The following METAP1D variants were observed in gnomAD, a reference collection of about 807,000 sequenced individuals.
The protein encoded by METAP1D is methionyl aminopeptidase type 1D, mitochondrial, also known as methionine aminopeptidase 1D, mitochondrial.
Under a neutral mutation model 40.5 loss-of-function variants are expected in METAP1D, and 31 were observed. The ratio of observed to expected loss-of-function variants is 0.77; its 90% CI spans 0.58 to 1.03. METAP1D has a LOEUF of 1.03. METAP1D is among the 50% of genes least tolerant of loss of function. The probability of loss-of-function intolerance (pLI) is 0.00; values close to 1 mark genes in which losing one functional copy is unlikely to be tolerated. For synonymous variants in METAP1D, 151 were observed against 146.4 expected (o/e 1.03, Z -0.22); for missense variants, 411 against 420.7 (o/e 0.98, Z 0.20).
chr2:172,052,851 G>A (rs1414026657), intron 1 of METAP1D, among the ~76,000 whole-genome samples: 1 of 152,082 alleles, frequency 6.6e-6, no homozygotes, highest in African/African-American at 2.4e-5. Flanking sequence ...TAGTTTCAAG[G>A]GCTCTTGTCC....
At chr2:172,001,249 G>C (rs756935537) in intron 1 of METAP1D, among the ~76,000 whole-genome samples, 1 of 152,012 alleles carries the variant, frequency 6.6e-6, no homozygotes. Context: ...TGTACAAAAA[G>C]TGAAGAGAGC....
chr2:172,048,840 G>A (rs980430619), intron 1 of METAP1D, among the ~76,000 whole-genome samples: 1 of 152,124 alleles, frequency 6.6e-6, no homozygotes, highest in African/African-American at 2.4e-5. Flanking sequence ...TCATTTTACT[G>A]TGTGAATAAT....
intron 2 of METAP1D, 141 bp downstream of exon 2, chr2:172,061,796 A>G (rs1381802794): frequency 5.8e-6 from 4 of 687,508 alleles, no homozygotes; most frequent in Non-Finnish European, 9.0e-6. Context: ...TAAAACTGTG[A>G]TTTGAGAAGT....
intron 1 of METAP1D, among the ~76,000 whole-genome samples, chr2:172,037,997 CCT>C (rs919808401): frequency 5.9e-5 from 9 of 152,152 alleles, no homozygotes; most frequent in Admixed American, 3.3e-4. Flanking sequence ...CCTCTCTTCT[CCT>C]CTCTAGATTT....
rs1258640313 is a variant in METAP1D at position 172,079,118 on chromosome 2, G to A, written c.803-97G>A. On this transcript the variant is annotated intron_variant, in intron 7 of 9. Transcript: ENST00000315796. The stretch of plus-strand genomic sequence containing the variant: ...TTCTCTAAAAGAAGAGAAATAAAAC[G>A]ACCAAGTTTTTTAAAGGGGCCTGAC... 2.1e-5 allele frequency: 26 copies of A among 1,263,810 alleles called. 1 individual carries two copies. The Middle Eastern group carries it at 5.6e-4, about 27-fold the overall frequency. 78.3% of individuals were successfully genotyped at this position (1,263,810 alleles called of 1,614,324 possible). A position where few individuals can be genotyped will look rare whatever the true frequency, so the allele number is the denominator to read the frequency against.
intron 1 of METAP1D, among the ~76,000 whole-genome samples, chr2:172,048,320 C>G (rs926005038): frequency 1.3e-5 from 2 of 152,222 alleles, no homozygotes; most frequent in African/African-American, 4.8e-5. Flanking sequence ...GTGACCTCCT[C>G]CCACAGTCAG....
At chr2:172,063,946 G>C in intron 3 of METAP1D, 86 bp downstream of exon 3, 1 of 1,366,014 alleles carries the variant, frequency 7.3e-7, no homozygotes, top group Non-Finnish European at 9.5e-7. Context: ...TCTTCTTTTA[G>C]GTTGACATCT....
chr2:172,041,726 TTATATATATA>T (rs67708838), intron 1 of METAP1D, among the ~76,000 whole-genome samples: 1,223 of 37,546 alleles, frequency 0.033, 126 homozygotes, highest in African/African-American at 0.069. Context: ...TCTAATTATT[TTATATATATA>T]TATATATATA....
At chr2:172,050,852 G>A (rs540999398) in intron 1 of METAP1D, among the ~76,000 whole-genome samples, 4 of 152,168 alleles carry the variant, frequency 2.6e-5, no homozygotes, top group African/African-American at 9.6e-5. Context: ...TTTTTCACAG[G>A]GCTCAACTAG....
intron 1 of METAP1D, among the ~76,000 whole-genome samples, chr2:172,037,384 C>T (rs547069057): frequency 6.6e-6 from 1 of 151,908 alleles, no homozygotes; most frequent in East Asian, 1.9e-4. Context: ...CGTCTTCCTA[C>T]CTAACAACTG....
intron 1 of METAP1D, among the ~76,000 whole-genome samples, chr2:172,004,263 C>G (rs767544526): frequency 1.3e-5 from 2 of 152,064 alleles, no homozygotes; most frequent in African/African-American, 2.4e-5. Flanking sequence ...GCCCTGAGAT[C>G]CTTGCTATCT....
At position 172,036,185 on chromosome 2, in the gene METAP1D, C is replaced by T. The variant is rs531451082; in HGVS notation, c.41-25313C>T. Among the ~76,000 whole-genome samples, 297 of 150,488 alleles carry T rather than the reference C, an allele frequency of 2.0e-3. 1 individual carries two copies. Among genetic ancestry groups the T allele is most frequent in the African/African-American group, 5.6e-3 (230 of 41,090 alleles). ...ACAAAAAGTTAGCTGGGCGTGGTGG[C>T]GGGTGCCTGTAGTCCCAGCTACTTG... On this transcript the variant is annotated intron_variant, in intron 1 of 9. Coordinates refer to ENST00000315796, the MANE Select transcript of METAP1D (RefSeq NM_199227.3).
intron 1 of METAP1D, among the ~76,000 whole-genome samples, chr2:172,049,897 G>T (rs187327678): frequency 1.7e-4 from 26 of 152,256 alleles, no homozygotes; most frequent in African/African-American, 6.0e-4. Context: ...ACAGGGCAGA[G>T]ACAAAACTCC....
chr2:172,038,227 G>C (rs1689438983), intron 1 of METAP1D, among the ~76,000 whole-genome samples: 1 of 152,184 alleles, frequency 6.6e-6, no homozygotes, highest in Non-Finnish European at 1.5e-5. Context: ...GCTTACAGCT[G>C]TATTGTTTCC....
intron 6 of METAP1D, among the ~76,000 whole-genome samples, chr2:172,073,434 T>G (rs181397558): frequency 6.6e-6 from 1 of 152,134 alleles, no homozygotes; most frequent in East Asian, 1.9e-4. Context: ...TGACATTGGA[T>G]TTTAGCTATC....
intron 3 of METAP1D, chr2:172,064,148 G>A (rs2105479324): frequency 8.4e-6 from 2 of 238,542 alleles, no homozygotes; most frequent in Admixed American, 1.1e-4. Flanking sequence ...GTTGATCAAT[G>A]GCAGACAGCT....
At chr2:172,014,818 A>T (rs1370980548) in intron 1 of METAP1D, among the ~76,000 whole-genome samples, 1 of 150,424 alleles carries the variant, frequency 6.6e-6, no homozygotes, top group African/African-American at 2.4e-5. Flanking sequence ...ACACCCGGCT[A>T]TTTTTTTTTA....
chr2:172,041,729 TATATATATA>T lies in METAP1D; in HGVS notation c.41-19768_41-19760del, dbSNP rs1689534450. Among the ~76,000 whole-genome samples, 10 of 17,914 alleles carry T rather than the reference TATATATATA, an allele frequency of 5.6e-4. 2 individuals are homozygous for T. Among genetic ancestry groups the T allele is most frequent in the Non-Finnish European group, 1.1e-3 (9 of 8,364 alleles). The allele number at this position is 17,914 out of a possible 152,430, so 11.8% of individuals were successfully genotyped here. ...TAATTTCCTTACTCTAATTATTTTA[TATATATATA>T]TATATATATATATATATATATATAT... On this transcript the variant is annotated intron_variant, in intron 1 of 9. Coordinates refer to ENST00000315796, the MANE Select transcript of METAP1D (RefSeq NM_199227.3).
chr2:172,040,973 G>T (rs923102136), intron 1 of METAP1D, among the ~76,000 whole-genome samples: 3 of 151,436 alleles, frequency 2.0e-5, no homozygotes, highest in Admixed American at 6.6e-5. Context: ...TCACCATGAT[G>T]GCCAGGATGG....
Sources: gnomAD v4.1 joint callset for allele counts (sites outside exome capture counted in the v4.1 genomes callset) on GRCh38, gnomAD v4.1.1 for gene constraint, MANE v1.5 for transcripts, NCBI Gene and HGNC (gene_info 2026-07-23, HGNC 2026-07-21) for gene names.